The following GPHN variants were observed in gnomAD, a reference collection of about 807,000 sequenced individuals.
GPHN encodes the protein gephyrin.
GPHN carries 17 observed loss-of-function variants against 95.5 expected under a neutral mutation model. The observed-to-expected ratio is 0.18, with a 90% CI of 0.12 to 0.27. The LOEUF is 0.27. GPHN is among the 10% of genes least tolerant of loss of function. The pLI is 1.00. For missense variants in GPHN, 660 were observed against 978.1 expected (o/e 0.67, Z 4.34); for synonymous variants, 320 against 322.5 (o/e 0.99, Z 0.08).
the GPHN span, among the ~76,000 whole-genome samples, chr14:67,458,934 G>A: frequency 6.6e-6 from 1 of 152,084 alleles, no homozygotes; most frequent in Admixed American, 6.5e-5. Flanking sequence ...GTCGCCCAGG[G>A]TGGAGTGCAA....
intron 3 of GPHN, among the ~76,000 whole-genome samples, chr14:66,814,794 G>T (rs1367742212): frequency 6.6e-6 from 1 of 152,128 alleles, no homozygotes; most frequent in Non-Finnish European, 1.5e-5. Context: ...TCCAGCAAGG[G>T]TCCAGAACAT....
rs1567155716 is a variant in GPHN at position 66,961,919 on chromosome 14, TA to T, written c.829-3271del. On this transcript the variant is annotated intron_variant, in intron 8 of 22. Coordinates refer to ENST00000478722, the MANE Select transcript of GPHN (RefSeq NM_020806.5). ...GAATGTGTATATATATATATATATA[TA>T]TATATATATATATATATATATATAT... Among the ~76,000 whole-genome samples the T allele has an allele frequency of 6.4e-3, 408 of 64,032 alleles. 9 individuals are homozygous for T. Among genetic ancestry groups the T allele is most frequent in the African/African-American group, 0.039 (394 of 10,162 alleles). 42.0% of individuals were successfully genotyped at this position (64,032 alleles called of 152,430 possible).
At chr14:67,574,310 A>T in the GPHN span, 2 of 1,606,294 alleles carry the variant, frequency 1.2e-6, no homozygotes, top group Non-Finnish European at 8.5e-7. This position sits in a 1 kb window ranked among gnomAD's most constrained non-coding sequence, Gnocchi z 4.2. Context: ...AGTGGATCCG[A>T]GTACTCCAGA....
the GPHN span, chr14:67,569,335 C>A: frequency 1.5e-6 from 1 of 652,366 alleles, no homozygotes; most frequent in Admixed American, 2.8e-5. Context: ...ACCCTGTTCC[C>A]CTCCCCAGCA....
At chr14:67,341,671 C>G in the GPHN span, among the ~76,000 whole-genome samples, 3,646 of 152,316 alleles carry the variant, frequency 0.024, 68 homozygotes, top group Non-Finnish European at 0.036. Flanking sequence ...GCCACCACCC[C>G]GTCTGGGAGG....
intron 10 of GPHN, among the ~76,000 whole-genome samples, chr14:67,038,221 A>G (rs755564620): frequency 3.9e-4 from 59 of 152,084 alleles, no homozygotes; most frequent in Admixed American, 1.8e-3. Context: ...CTAATACTTC[A>G]TGGTTCTACT....
At chr14:67,599,002 G>T in the GPHN span, among the ~76,000 whole-genome samples, 94 of 152,302 alleles carry the variant, frequency 6.2e-4, no homozygotes, top group African/African-American at 2.1e-3. Flanking sequence ...GAGGTACAGT[G>T]CTTTGCCTGA....
rs574768204 is a variant in GPHN, at chr14:67,080,404, TTC to T, written c.1145-8577_1145-8576del. Among the ~76,000 whole-genome samples the T allele has an allele frequency of 3.1e-3, 479 of 152,208 alleles. 4 individuals carry two copies. Among genetic ancestry groups the T allele is most frequent in the African/African-American group, 1.0e-2 (414 of 41,538 alleles). Reference sequence around the variant, plus strand: ...TTGCATTCTTTGATGCACAAAATATTTCTGTTAGATGTAGTCCCATTTGTCTA... The same window carrying T: ...TTGCATTCTTTGATGCACAAAATATTTGTTAGATGTAGTCCCATTTGTCTA... On this transcript the variant is annotated intron_variant, in intron 11 of 22. Coordinates refer to ENST00000478722, the MANE Select transcript of GPHN (RefSeq NM_020806.5).
chr14:67,215,704 T>C, the GPHN span, among the ~76,000 whole-genome samples: 1 of 152,186 alleles, frequency 6.6e-6, no homozygotes, highest in Non-Finnish European at 1.5e-5. Flanking sequence ...GTAAGGTTTA[T>C]TTAAAAAAAC....
chr14:67,231,831 TG>T, the GPHN span, among the ~76,000 whole-genome samples: 1 of 151,896 alleles, frequency 6.6e-6, no homozygotes, highest in Non-Finnish European at 1.5e-5. Flanking sequence ...TAACTGGGCA[TG>T]GTGGTGGGTG....
At chr14:67,376,548 G>T in the GPHN span, 1 of 1,614,062 alleles carries the variant, frequency 6.2e-7, no homozygotes, top group Non-Finnish European at 8.5e-7. Flanking sequence ...AAGTACAAGA[G>T]ACCTGGATAT....
At chr14:67,342,217 A>ATT in the GPHN span, among the ~76,000 whole-genome samples, 27 of 116,072 alleles carry the variant, frequency 2.3e-4, no homozygotes, top group African/African-American at 1.2e-3. Flanking sequence ...AATAAATAAA[A>ATT]TAAAATAAAA....
intron 9 of GPHN, chr14:66,969,446 A>T (rs532579452): frequency 6.6e-6 from 1 of 152,234 alleles, no homozygotes; most frequent in Admixed American, 6.5e-5. Flanking sequence ...AGTGAGCATG[A>T]TTCATAGCTT....
chr14:66,735,959 CA>C (rs909206203), intron 2 of GPHN, among the ~76,000 whole-genome samples: 2 of 151,836 alleles, frequency 1.3e-5, no homozygotes, highest in African/African-American at 4.8e-5. Flanking sequence ...GACAGGGAAC[CA>C]AAGGTCAAAA....
At chr14:67,569,405 G>A in the GPHN span, among the ~76,000 whole-genome samples, 1 of 152,204 alleles carries the variant, frequency 6.6e-6, no homozygotes, top group African/African-American at 2.4e-5. Context: ...AAGTCGTACA[G>A]GTTCAGCCCA....
the GPHN span, among the ~76,000 whole-genome samples, chr14:67,482,217 CG>C: frequency 6.6e-6 from 1 of 152,090 alleles, no homozygotes; most frequent in African/African-American, 2.4e-5. Context: ...AGCATCTCAC[CG>C]GCTGCTCTCC....
chr14:67,683,829 T>C, the GPHN span, among the ~76,000 whole-genome samples: 1 of 152,244 alleles, frequency 6.6e-6, no homozygotes, highest in Non-Finnish European at 1.5e-5. Context: ...AATATTTTAA[T>C]AAATTTCCTT....
chr14:67,438,032 G>A, the GPHN span, among the ~76,000 whole-genome samples: 14 of 152,230 alleles, frequency 9.2e-5, no homozygotes, highest in East Asian at 1.9e-4. Context: ...TATTTGGGGC[G>A]GTCTGCTCCT....
intron 1 of GPHN, among the ~76,000 whole-genome samples, chr14:66,663,418 G>A (rs2065769753): frequency 6.6e-6 from 1 of 152,110 alleles, no homozygotes; most frequent in Non-Finnish European, 1.5e-5. Context: ...TTCCAGACAA[G>A]CAAATGTTGA....
Sources: gnomAD v4.1 joint callset for allele counts (sites outside exome capture counted in the v4.1 genomes callset) on GRCh38, gnomAD v4.1.1 for gene constraint, Gnocchi (gnomAD v3.1) non-coding constraint, MANE v1.5 for transcripts, NCBI Gene and HGNC (gene_info 2026-07-23, HGNC 2026-07-21) for gene names.